Variants in KCNH7 observed in about 807,000 individuals in gnomAD.
KCNH7 encodes the protein potassium voltage-gated channel subfamily H member 7, also known as voltage-gated inwardly rectifying potassium channel KCNH7.
KCNH7 carries 49 observed loss-of-function variants against 120.8 expected under a neutral mutation model. The ratio of observed to expected loss-of-function variants is 0.41; its 90% CI spans 0.32 to 0.51. The LOEUF (loss-of-function observed/expected upper bound fraction) is 0.51, where lower values mean the gene tolerates loss of function less well. KCNH7 is among the 20% of genes least tolerant of loss of function. The pLI is 0.38. For missense variants in KCNH7, 1,097 were observed against 1,446.6 expected (o/e 0.76, Z 3.92); for synonymous variants, 547 against 516.1 (o/e 1.06, Z -0.81).
chr2:162,506,105 C>T (rs968241625), intron 5 of KCNH7, among the ~76,000 whole-genome samples: 3 of 151,842 alleles, frequency 2.0e-5, no homozygotes, highest in Admixed American at 6.6e-5. Flanking sequence ...TCTGTTGACT[C>T]CCTGAGTCTT....
At chr2:162,547,103 A>G (rs1692506937) in intron 2 of KCNH7, among the ~76,000 whole-genome samples, 2 of 152,176 alleles carry the variant, frequency 1.3e-5, no homozygotes, top group South Asian at 2.1e-4. Flanking sequence ...CACGTGTTAC[A>G]TGGCGGCAGG....
At chr2:162,514,512 G>A (rs1691215587) in intron 4 of KCNH7, among the ~76,000 whole-genome samples, 1 of 151,754 alleles carries the variant, frequency 6.6e-6, no homozygotes, top group Non-Finnish European at 1.5e-5. Flanking sequence ...TGTGGCTTGT[G>A]CACTGGTCTT....
chr2:162,784,016 TA>T (rs1683606098), intron 2 of KCNH7, among the ~76,000 whole-genome samples: 1 of 152,082 alleles, frequency 6.6e-6, no homozygotes, highest in African/African-American at 2.4e-5. Flanking sequence ...TGATATCCTT[TA>T]AAAAAACAAG....
chr2:162,696,243 T>C (rs1686281785), intron 2 of KCNH7, among the ~76,000 whole-genome samples: 1 of 152,184 alleles, frequency 6.6e-6, no homozygotes, highest in Non-Finnish European at 1.5e-5. Context: ...ATTATAAAAA[T>C]GTAAATGGCG....
intron 2 of KCNH7, among the ~76,000 whole-genome samples, chr2:162,598,257 T>C (rs1174550773): frequency 6.6e-6 from 1 of 152,136 alleles, no homozygotes; most frequent in Non-Finnish European, 1.5e-5. Flanking sequence ...TGTTACCATC[T>C]AGTTTTTCTT....
intron 14 of KCNH7, among the ~76,000 whole-genome samples, chr2:162,377,413 A>G (rs1409774035): frequency 6.6e-6 from 1 of 152,202 alleles, no homozygotes; most frequent in Non-Finnish European, 1.5e-5. Context: ...CACAATGGGA[A>G]TATTCATGCC....
chr2:162,393,672 A>G (rs1170181858), intron 12 of KCNH7, among the ~76,000 whole-genome samples: 2 of 151,930 alleles, frequency 1.3e-5, no homozygotes, highest in African/African-American at 4.8e-5. Context: ...TTGTTGGATC[A>G]GCATGAGGCA....
chr2:162,760,725 A>G (rs1688940289), intron 2 of KCNH7, among the ~76,000 whole-genome samples: 1 of 152,070 alleles, frequency 6.6e-6, no homozygotes. Flanking sequence ...TATGCATACA[A>G]ATAAGCTTGG....
chr2:162,479,672 C>CAT (rs1689861499), intron 6 of KCNH7, among the ~76,000 whole-genome samples: 1 of 108,194 alleles, frequency 9.2e-6, no homozygotes, highest in Non-Finnish European at 1.8e-5. Context: ...TGTGTGTGTG[C>CAT]ATGTGTGTGT....
chr2:162,685,377 G>A (rs921201829), intron 2 of KCNH7, among the ~76,000 whole-genome samples: 4 of 151,858 alleles, frequency 2.6e-5, no homozygotes, highest in African/African-American at 4.8e-5. Flanking sequence ...CATACGTTCT[G>A]GGAACTTAGC....
At chr2:162,677,552 G>A (rs1339611217) in intron 2 of KCNH7, among the ~76,000 whole-genome samples, 1 of 151,406 alleles carries the variant, frequency 6.6e-6, no homozygotes, top group African/African-American at 2.4e-5. Flanking sequence ...ATATTCCACA[G>A]TATACTACAA....
intron 2 of KCNH7, among the ~76,000 whole-genome samples, chr2:162,564,010 A>G (rs1199225498): frequency 6.6e-6 from 1 of 152,186 alleles, no homozygotes; most frequent in Non-Finnish European, 1.5e-5. Context: ...CTTTAATAGC[A>G]ATAAACTGGT....
At chr2:162,377,683 A>G (rs1035377128) in intron 14 of KCNH7, among the ~76,000 whole-genome samples, 22 of 152,076 alleles carry the variant, frequency 1.4e-4, no homozygotes, top group African/African-American at 5.1e-4. Context: ...TCAGGCATAC[A>G]TCCCTCTCTT....
At chr2:162,694,332 C>T (rs552911020) in intron 2 of KCNH7, among the ~76,000 whole-genome samples, 4 of 152,236 alleles carry the variant, frequency 2.6e-5, no homozygotes, top group East Asian at 3.9e-4. Flanking sequence ...ACTTTAACTC[C>T]GAACTCAGAC....
At chr2:162,639,796 T>C (rs941248620) in intron 2 of KCNH7, among the ~76,000 whole-genome samples, 19 of 152,066 alleles carry the variant, frequency 1.2e-4, no homozygotes, top group Non-Finnish European at 8.8e-5. Flanking sequence ...CTATTTGTAG[T>C]ACACATGATT....
In KCNH7 at chr2:162,731,147, ATAAAG is replaced by A. The variant is rs897401277; in HGVS notation, c.307+105385_307+105389del. Among the ~76,000 whole-genome samples, 93 of 151,356 alleles carry A rather than the reference ATAAAG, an allele frequency of 6.1e-4. 1 individual carries two copies. Among genetic ancestry groups the A allele is most frequent in the African/African-American group, 2.2e-3 (91 of 41,278 alleles). The stretch of plus-strand genomic sequence containing the variant: ...CAAAATCATAAGTAACATGGAAAAA[ATAAAG>A]TAGAGACTTGAGAAGACCTTCTGCA... On this transcript the variant is annotated intron_variant, in intron 2 of 15. Transcript: ENST00000332142.
At chr2:162,602,320 G>A (rs1282869638) in intron 2 of KCNH7, among the ~76,000 whole-genome samples, 1 of 152,022 alleles carries the variant, frequency 6.6e-6, no homozygotes, top group Non-Finnish European at 1.5e-5. Context: ...ATCCAAGAAA[G>A]TCTGAGGCAT....
intron 2 of KCNH7, among the ~76,000 whole-genome samples, chr2:162,737,256 C>T (rs988410767): frequency 3.9e-5 from 6 of 152,110 alleles, no homozygotes; most frequent in South Asian, 4.2e-4. Flanking sequence ...GGTAAGGGCT[C>T]GTAAGCTCTA....
chr2:162,408,301 G>T (rs1359443756), intron 9 of KCNH7, among the ~76,000 whole-genome samples: 1 of 151,970 alleles, frequency 6.6e-6, no homozygotes, highest in Non-Finnish European at 1.5e-5. Context: ...GGAATTTTAA[G>T]ACTGGACAAC....
Sources: allele counts gnomAD v4.1 joint callset (sites outside exome capture counted in the v4.1 genomes callset), GRCh38; gene constraint gnomAD v4.1.1; transcripts MANE v1.5; gene names NCBI Gene and HGNC (gene_info 2026-07-23, HGNC 2026-07-21).